The following TENM3 variants were observed in gnomAD, a reference collection of about 807,000 sequenced individuals.
The protein encoded by TENM3 is teneurin-3.
A neutral mutation model predicts 255.1 loss-of-function variants in TENM3; 63 were observed. The ratio of observed to expected loss-of-function variants is 0.25; its 90% CI spans 0.20 to 0.30. The LOEUF is 0.30. Among genes scored for constraint, TENM3 ranks in the 10% least tolerant of loss-of-function variants. TENM3 has a pLI of 1.00. For missense variants in TENM3, 2,929 were observed against 3,461.1 expected (o/e 0.85, Z 3.86); for synonymous variants, 1,306 against 1,322.3 (o/e 0.99, Z 0.27).
the TENM3 span, among the ~76,000 whole-genome samples, chr4:181,881,038 T>C: frequency 1.3e-5 from 2 of 152,162 alleles, no homozygotes; most frequent in African/African-American, 4.8e-5. Flanking sequence ...GCTAATATAT[T>C]ATAAAATAGC....
chr4:182,425,775 C>A (rs142875846), intron 3 of TENM3, among the ~76,000 whole-genome samples: 10 of 151,986 alleles, frequency 6.6e-5, no homozygotes, highest in Non-Finnish European at 1.2e-4. Flanking sequence ...TTTCGGAGGC[C>A]GAGGCAGGCG....
intron 1 of TENM3, among the ~76,000 whole-genome samples, chr4:182,318,640 C>T (rs1417620791): frequency 2.6e-5 from 4 of 152,140 alleles, no homozygotes; most frequent in Non-Finnish European, 5.9e-5. Context: ...TTGCTTTAAG[C>T]CCAGCTGTGG....
the TENM3 span, among the ~76,000 whole-genome samples, chr4:182,069,162 A>C: frequency 6.6e-6 from 1 of 152,362 alleles, no homozygotes; most frequent in Non-Finnish European, 1.5e-5. Flanking sequence ...TAAGCAAAGT[A>C]AAAACTGAAT....
rs539710974 is a variant in TENM3, at chr4:182,513,573, TAGAA to T, written c.512-87347_512-87344del. Among the ~76,000 whole-genome samples, 74 of 152,282 alleles carry T rather than the reference TAGAA, an allele frequency of 4.9e-4. No individual in the cohort carries two copies. The South Asian group carries it at 9.5e-3, about 20-fold the overall frequency. On this transcript the variant is annotated intron_variant, in intron 3 of 27. Coordinates refer to ENST00000511685, the MANE Select transcript of TENM3 (RefSeq NM_001080477.4). ...TAGATCTGGGATTAAATCTGGCTTT[TAGAA>T]AGATAATTTGTAGTAAGAGAGTTAG... is the stretch of plus-strand genomic sequence containing the variant.
At chr4:181,838,838 C>T in the TENM3 span, among the ~76,000 whole-genome samples, 1 of 151,786 alleles carries the variant, frequency 6.6e-6, no homozygotes, top group African/African-American at 2.4e-5. Context: ...AAATTGTTGG[C>T]TTTATTGATT....
chr4:182,329,330 C>T (rs1310913414), intron 2 of TENM3, among the ~76,000 whole-genome samples: 1 of 152,202 alleles, frequency 6.6e-6, no homozygotes, highest in Non-Finnish European at 1.5e-5. Flanking sequence ...CCTCCCATGG[C>T]CCCCACTTGG....
the TENM3 span, among the ~76,000 whole-genome samples, chr4:181,957,540 T>G: frequency 3.3e-5 from 5 of 152,196 alleles, no homozygotes; most frequent in African/African-American, 9.7e-5. Context: ...TTCTTCTTGT[T>G]TAAAGAGACA....
chr4:182,344,382 T>C (rs1215003227), intron 2 of TENM3, among the ~76,000 whole-genome samples: 1 of 152,156 alleles, frequency 6.6e-6, no homozygotes, highest in Non-Finnish European at 1.5e-5. Flanking sequence ...TTGTAAGACA[T>C]TGACTTCAGA....
the TENM3 span, among the ~76,000 whole-genome samples, chr4:181,603,993 G>A: frequency 0.017 from 2,615 of 152,274 alleles, 40 homozygotes; most frequent in South Asian, 0.069. Context: ...TGCCGGGCGC[G>A]GTGGCTCACG....
chr4:182,744,338 C>T (rs796475536), intron 19 of TENM3, among the ~76,000 whole-genome samples: 5 of 152,012 alleles, frequency 3.3e-5, no homozygotes, highest in African/African-American at 1.2e-4. Context: ...CAATATATTG[C>T]GAGTTATTTA....
the TENM3 span, among the ~76,000 whole-genome samples, chr4:181,877,758 C>A: frequency 6.6e-6 from 1 of 152,156 alleles, no homozygotes; most frequent in Admixed American, 6.5e-5. Flanking sequence ...AGGGTGCCAG[C>A]CCTTCCTTGA....
intron 1 of TENM3, among the ~76,000 whole-genome samples, chr4:182,231,079 T>A (rs1158223105): frequency 6.6e-6 from 1 of 151,770 alleles, no homozygotes; most frequent in East Asian, 1.9e-4. Context: ...CCTCCTTGTG[T>A]TCCAGGGTCA....
At chr4:181,816,705 T>C in the TENM3 span, among the ~76,000 whole-genome samples, 1 of 152,178 alleles carries the variant, frequency 6.6e-6, no homozygotes, top group African/African-American at 2.4e-5. Context: ...TATTCATCCT[T>C]GGCTCCTCTT....
At chr4:182,292,962 G>A (rs1363647927) in intron 1 of TENM3, among the ~76,000 whole-genome samples, 1 of 152,174 alleles carries the variant, frequency 6.6e-6, no homozygotes, top group African/African-American at 2.4e-5. Context: ...AGACCCAGAG[G>A]TGGGAGCGGG....
chr4:182,474,572 A>C (rs879545928), intron 3 of TENM3, among the ~76,000 whole-genome samples: 2 of 152,176 alleles, frequency 1.3e-5, no homozygotes, highest in Non-Finnish European at 2.9e-5. Flanking sequence ...TCCCAGATTG[A>C]AAATTACCGA....
intron 3 of TENM3, among the ~76,000 whole-genome samples, chr4:182,464,357 A>G (rs576076443): frequency 2.0e-5 from 3 of 152,258 alleles, no homozygotes; most frequent in Admixed American, 6.5e-5. Flanking sequence ...CCCGGGTTCA[A>G]GTGATTCTCC....
chr4:182,455,899 C>G (rs991680893), intron 3 of TENM3, among the ~76,000 whole-genome samples: 3 of 152,106 alleles, frequency 2.0e-5, no homozygotes, highest in African/African-American at 7.2e-5. Context: ...TCCTCTCGGG[C>G]TTCCTTAGCA....
the TENM3 span, among the ~76,000 whole-genome samples, chr4:182,036,433 C>T: frequency 5.3e-5 from 8 of 152,170 alleles, no homozygotes; most frequent in Non-Finnish European, 1.2e-4. Flanking sequence ...TCAGGTGATC[C>T]GCCCACCTTG....
the TENM3 span, among the ~76,000 whole-genome samples, chr4:182,020,227 G>A: frequency 1.6e-3 from 247 of 152,014 alleles, 1 homozygote; most frequent in African/African-American, 5.0e-3. Context: ...TTAGCTGGGC[G>A]TGGTGGTGGG....
Sources: gnomAD v4.1 joint callset for allele counts (sites outside exome capture counted in the v4.1 genomes callset) on GRCh38, gnomAD v4.1.1 for gene constraint, MANE v1.5 for transcripts, NCBI Gene and HGNC (gene_info 2026-07-23, HGNC 2026-07-21) for gene names.